NUAK1: variants seen among roughly 807,000 people sequenced by gnomAD.
NUAK1 encodes the protein NUAK family SNF1-like kinase 1.
NUAK1 carries 26 observed loss-of-function variants against 56.9 expected under a neutral mutation model. The observed-to-expected ratio is 0.46, with a 90% CI of 0.33 to 0.63. The LOEUF (loss-of-function observed/expected upper bound fraction) is 0.63, where lower values mean the gene tolerates loss of function less well. NUAK1 is among the 30% of genes least tolerant of loss of function. The pLI is 0.02. For synonymous variants in NUAK1, 337 were observed against 336.0 expected, an observed-to-expected ratio of 1.00 and a Z score of -0.03; for missense variants, 727 against 876.1, an observed-to-expected ratio of 0.83 and a Z score of 2.15.
At chr12:106,094,418 C>T (rs1342740903) in intron 2 of NUAK1, among the ~76,000 whole-genome samples, 1 of 152,214 alleles carries the variant, frequency 6.6e-6, no homozygotes, top group East Asian at 1.9e-4. Flanking sequence ...CCAGTTGAGT[C>T]ATTTAGTCAA....
rs2032339582 is a variant in NUAK1 at position 106,066,445 on chromosome 12, C to T, written c.*357G>A. 1.3e-5 allele frequency: 3 copies of T among 228,156 alleles called. No individual in the cohort carries two copies. The South Asian group carries it at 2.8e-4, about 21-fold the overall frequency. The allele number at this position is 228,156 out of a possible 1,614,324, so 14.1% of individuals were successfully genotyped here. ...CAAACAGCCCAAGTGTCTCCTGCCC[C>T]TCCTCCAGAAGCATCTGGATGACTT... is the stretch of plus-strand genomic sequence containing the variant. On this transcript the variant is annotated 3_prime_UTR_variant, in exon 7 of 7. Transcript: ENST00000261402.
At chr12:106,136,019 T>C (rs2033126201) in intron 1 of NUAK1, among the ~76,000 whole-genome samples, 2 of 152,184 alleles carry the variant, frequency 1.3e-5, no homozygotes, top group South Asian at 4.1e-4. Context: ...GTGAGCAGTG[T>C]GCTCAGCAGG....
At chr12:106,084,349 C>G (rs972955746) in intron 3 of NUAK1, among the ~76,000 whole-genome samples, 1 of 152,232 alleles carries the variant, frequency 6.6e-6, no homozygotes, top group African/African-American at 2.4e-5. Context: ...CTCACAGGCA[C>G]TCCTCATCTG....
At chr12:106,111,431 CAG>C (rs2032858563) in intron 1 of NUAK1, among the ~76,000 whole-genome samples, 1 of 151,734 alleles carries the variant, frequency 6.6e-6, no homozygotes, top group Non-Finnish European at 1.5e-5. Flanking sequence ...GGGGGCGTGG[CAG>C]AGAGTCTGGG....
intron 5 of NUAK1, 77 bp from the exon 6 acceptor site, chr12:106,070,983 G>C (rs887459928): frequency 2.1e-5 from 32 of 1,534,092 alleles, no homozygotes; most frequent in Non-Finnish European, 2.9e-5. Flanking sequence ...TAGCATCATA[G>C]CCTGTGAGCA....
At chr12:106,125,041 T>C in intron 1 of NUAK1, among the ~76,000 whole-genome samples, 1 of 143,440 alleles carries the variant, frequency 7.0e-6, no homozygotes, top group South Asian at 2.1e-4. Flanking sequence ...TAAATATCTG[T>C]TGAATGGATA....
intron 1 of NUAK1, among the ~76,000 whole-genome samples, chr12:106,121,145 AC>A: frequency 6.6e-6 from 1 of 152,274 alleles, no homozygotes; most frequent in South Asian, 2.1e-4. Flanking sequence ...GGTCAGGCAG[AC>A]CCGAGCTTTT....
chr12:106,138,661 C>A lies in NUAK1; in HGVS notation c.-8G>T. On this transcript the variant is annotated 5_prime_UTR_variant, in exon 1 of 7. Transcript: ENST00000261402. The surrounding 1 kb of genome is among the most constrained non-coding windows in gnomAD (Gnocchi z 5.0). The stretch of plus-strand genomic sequence containing the variant: ...CGCGGCGGCCCCTTCCATGTCCAAG[C>A]GCGGGGCGAGCCGGGCTACAGAGGG... The A allele has an allele frequency of 4.0e-6, 6 of 1,515,524 alleles. No homozygotes were observed. Among genetic ancestry groups the A allele is most frequent in the Non-Finnish European group, 5.3e-6 (6 of 1,141,730 alleles). The allele number at this position is 1,515,524 out of a possible 1,614,324, so 93.9% of individuals were successfully genotyped here.
intron 4 of NUAK1, among the ~76,000 whole-genome samples, chr12:106,083,362 A>T (rs2032538260): frequency 6.6e-6 from 1 of 152,198 alleles, no homozygotes. Context: ...AATCAGACAG[A>T]CATGGGTTCA....
At chr12:106,069,021 C>T (rs1425154854) in intron 6 of NUAK1, among the ~76,000 whole-genome samples, 1 of 152,188 alleles carries the variant, frequency 6.6e-6, no homozygotes, top group Non-Finnish European at 1.5e-5. Context: ...TTAGAGGTCA[C>T]TCTGAATTTT....
At chr12:106,095,514 C>T (rs1373766632) in intron 2 of NUAK1, among the ~76,000 whole-genome samples, 2 of 152,202 alleles carry the variant, frequency 1.3e-5, no homozygotes, top group Non-Finnish European at 2.9e-5. Flanking sequence ...TTAGCCTTTC[C>T]GTACCTGCAG....
chr12:106,111,767 C>T (rs980695031), intron 1 of NUAK1, among the ~76,000 whole-genome samples: 30 of 152,076 alleles, frequency 2.0e-4, no homozygotes, highest in African/African-American at 7.2e-4. Context: ...TTAATAATAG[C>T]AATAATTAAT....
chr12:106,108,753 G>A (rs958497201), intron 1 of NUAK1, among the ~76,000 whole-genome samples: 1 of 152,166 alleles, frequency 6.6e-6, no homozygotes, highest in Non-Finnish European at 1.5e-5. Flanking sequence ...AGTTACAATA[G>A]GCATAAATTC....
rs2032320285 is a variant in NUAK1 at position 106,064,966 on chromosome 12, G to A, written c.*1836C>T. 1 of 152,200 alleles carries A rather than the reference G, an allele frequency of 6.6e-6. No homozygotes were observed. Among genetic ancestry groups the A allele is most frequent in the Non-Finnish European group, 1.5e-5 (1 of 68,070 alleles). 9.4% of individuals were successfully genotyped at this position (152,200 alleles called of 1,614,324 possible). On this transcript the variant is annotated 3_prime_UTR_variant, in exon 7 of 7. Transcript: ENST00000261402. Reference sequence around the variant, plus strand: ...ATAAGCCAAAACACCAGAGCCGGTGGCAAGGGGAGAGCCCAAACTGTCTCC... The same window carrying A: ...ATAAGCCAAAACACCAGAGCCGGTGACAAGGGGAGAGCCCAAACTGTCTCC...
intron 1 of NUAK1, among the ~76,000 whole-genome samples, chr12:106,125,912 C>T (rs961900889): frequency 2.4e-5 from 3 of 123,300 alleles, no homozygotes; most frequent in Non-Finnish European, 5.8e-5. Context: ...CCATTAGTCT[C>T]CCCCCTGCAT....
intron 2 of NUAK1, among the ~76,000 whole-genome samples, chr12:106,087,432 T>C (rs2032585246): frequency 1.3e-5 from 2 of 152,148 alleles, no homozygotes; most frequent in African/African-American, 4.8e-5. Flanking sequence ...ACCCATTCCA[T>C]GTATTTATTT....
intron 1 of NUAK1, among the ~76,000 whole-genome samples, chr12:106,110,033 T>G (rs2032842551): frequency 6.6e-6 from 1 of 152,116 alleles, no homozygotes; most frequent in Non-Finnish European, 1.5e-5. Flanking sequence ...CCATCCTGGG[T>G]CTTTACATTG....
chr12:106,109,701 C>T (rs1452268831), intron 1 of NUAK1, among the ~76,000 whole-genome samples: 1 of 152,130 alleles, frequency 6.6e-6, no homozygotes, highest in East Asian at 1.9e-4. Context: ...TAAAATCACC[C>T]TCTAGCTGTG....
At chr12:106,109,645 C>T (rs909268588) in intron 1 of NUAK1, among the ~76,000 whole-genome samples, 1 of 151,932 alleles carries the variant, frequency 6.6e-6, no homozygotes, top group African/African-American at 2.4e-5. Context: ...AGCCAGTGCA[C>T]AGACAGTATT....
Sources: allele counts gnomAD v4.1 joint callset (sites outside exome capture counted in the v4.1 genomes callset), GRCh38; gene constraint gnomAD v4.1.1; non-coding constraint Gnocchi (gnomAD v3.1); transcripts MANE v1.5; gene names NCBI Gene and HGNC (gene_info 2026-07-23, HGNC 2026-07-21).